The following FOXP1 variants were observed in gnomAD, a reference collection of about 807,000 sequenced individuals.
FOXP1 encodes forkhead box protein P1.
FOXP1 carries 15 observed loss-of-function variants against 98.2 expected under a neutral mutation model. The ratio of observed to expected loss-of-function variants is 0.15; its 90% confidence interval spans 0.10 to 0.24. The LOEUF (loss-of-function observed/expected upper bound fraction) is 0.24, where lower values mean the gene tolerates loss of function less well. FOXP1 is among the 10% of genes least tolerant of loss of function. The probability of loss-of-function intolerance (pLI) is 1.00; values close to 1 mark genes in which losing one functional copy is unlikely to be tolerated. For missense variants in FOXP1, 633 were observed against 848.5 expected, an observed-to-expected ratio of 0.75 and a Z score of 3.15; for synonymous variants, 371 against 314.5, an observed-to-expected ratio of 1.18 and a Z score of -1.90.
At chr3:71,404,189 G>A (rs1329558906) in intron 3 of FOXP1, among the ~76,000 whole-genome samples, 1 of 141,468 alleles carries the variant, frequency 7.1e-6, no homozygotes, top group African/African-American at 2.7e-5. Flanking sequence ...GTCCAGTGGC[G>A]TGATCTTGGC....
intron 6 of FOXP1, among the ~76,000 whole-genome samples, chr3:71,161,302 G>A (rs964903045): frequency 6.6e-6 from 1 of 152,190 alleles, no homozygotes; most frequent in Admixed American, 6.5e-5. Context: ...TTATGCAGCT[G>A]CATTCAGCTG....
intron 6 of FOXP1, among the ~76,000 whole-genome samples, chr3:71,159,000 G>A (rs1034586083): frequency 1.3e-5 from 2 of 151,642 alleles, no homozygotes; most frequent in African/African-American, 4.9e-5. Flanking sequence ...CAAATACTCT[G>A]GAGGCTGAGG....
rs556936473 is a variant in FOXP1 at position 70,977,928 on chromosome 3, G to A, written c.1248C>T (p.Pro416=). ...TPTTPTAPLT[P]VTQGPSVITT... ...TGATGACAGAGGGGCCTTGGGTGAC[G>A]GGAGTCAGGGGGGCGGTTGGGGTCG... The change falls in exon 15 of 21, where the codon CCC becomes CCT. Residue 416 remains proline (P), a synonymous_variant. Coordinates refer to ENST00000649528, the MANE Select transcript of FOXP1 (RefSeq NM_001349338.3). 1.2e-5 allele frequency: 20 copies of A among 1,614,050 alleles called. No individual in the cohort carries two copies. In the Middle Eastern group the frequency reaches 4.9e-4, roughly 40 times the overall value.
chr3:71,247,082 T>C (rs2067809861), intron 5 of FOXP1, among the ~76,000 whole-genome samples: 1 of 133,548 alleles, frequency 7.5e-6, no homozygotes, highest in Admixed American at 8.2e-5. Flanking sequence ...GGGCCAGTGA[T>C]CTCAGTGCTA....
chr3:71,445,840 C>A (rs1577556545), intron 3 of FOXP1, among the ~76,000 whole-genome samples: 2 of 152,050 alleles, frequency 1.3e-5, no homozygotes, highest in Non-Finnish European at 2.9e-5. Context: ...AGGCACGTGA[C>A]CCAACCCCAG....
At chr3:71,418,997 G>A (rs1420755572) in intron 3 of FOXP1, among the ~76,000 whole-genome samples, 5 of 150,504 alleles carry the variant, frequency 3.3e-5, no homozygotes, top group African/African-American at 4.9e-5. Context: ...CTCTTTAGGA[G>A]GCCAAGGTGG....
chr3:71,563,055 A>C (rs939318024), intron 2 of FOXP1, among the ~76,000 whole-genome samples: 2 of 152,188 alleles, frequency 1.3e-5, no homozygotes, highest in African/African-American at 4.8e-5. Context: ...ATGAGGAGCC[A>C]GGCTGGCCAT....
intron 11 of FOXP1, 28 bp from the exon 12 acceptor site, chr3:71,015,681 G>C: frequency 6.7e-7 from 1 of 1,490,538 alleles, no homozygotes; most frequent in Non-Finnish European, 9.4e-7. Flanking sequence ...GAAGACCAGA[G>C]AATGAATTTG....
At chr3:71,393,254 T>G (rs187367377) in intron 3 of FOXP1, among the ~76,000 whole-genome samples, 1 of 152,236 alleles carries the variant, frequency 6.6e-6, no homozygotes, top group East Asian at 1.9e-4. Flanking sequence ...TGACTCATAT[T>G]CATGACACAT....
At chr3:71,344,750 A>T (rs1271419093) in intron 4 of FOXP1, among the ~76,000 whole-genome samples, 1 of 152,126 alleles carries the variant, frequency 6.6e-6, no homozygotes, top group Non-Finnish European at 1.5e-5. Context: ...AGGCACGAGA[A>T]TGGCTTGAAC....
chr3:71,359,504 C>G (rs1257372597), intron 3 of FOXP1, among the ~76,000 whole-genome samples: 2 of 152,156 alleles, frequency 1.3e-5, no homozygotes, highest in Non-Finnish European at 2.9e-5. Context: ...GCACTGACAT[C>G]CACTTAGGAA....
intron 4 of FOXP1, among the ~76,000 whole-genome samples, chr3:71,313,825 G>A (rs548624442): frequency 5.3e-5 from 8 of 152,138 alleles, no homozygotes; most frequent in African/African-American, 1.7e-4. Context: ...GTGCCCGGTC[G>A]AGTATCTGTA....
intron 3 of FOXP1, among the ~76,000 whole-genome samples, chr3:71,383,291 T>C (rs886648366): frequency 3.9e-5 from 6 of 152,230 alleles, no homozygotes; most frequent in Non-Finnish European, 8.8e-5. Flanking sequence ...GAATTCATTA[T>C]CAGAGAAGAC....
chr3:71,309,161 A>T (rs1264279304), intron 4 of FOXP1, among the ~76,000 whole-genome samples: 1 of 152,176 alleles, frequency 6.6e-6, no homozygotes. Flanking sequence ...ATAACAATGT[A>T]TCTGTTCCAT....
At chr3:71,448,796 T>G (rs1395525809) in intron 3 of FOXP1, among the ~76,000 whole-genome samples, 1 of 152,214 alleles carries the variant, frequency 6.6e-6, no homozygotes, top group Non-Finnish European at 1.5e-5. Context: ...CAAATTACCA[T>G]TGCCACAATT....
intron 7 of FOXP1, among the ~76,000 whole-genome samples, chr3:71,078,139 TA>T (rs35115534): frequency 0.19 from 28,837 of 152,184 alleles, 3,703 homozygotes; most frequent in East Asian, 0.52. Context: ...GCCTCCTCTG[TA>T]TATTTTCTCT....
chr3:70,977,574 TTCA>T, intron 16 of FOXP1, 66 bp downstream of exon 16: 2 of 1,336,310 alleles, frequency 1.5e-6, no homozygotes, highest in Non-Finnish European at 2.1e-6. Flanking sequence ...TTAAATCTAC[TTCA>T]TCAATATATA....
intron 17 of FOXP1, 49 bp downstream of exon 17, chr3:70,976,892 G>A (rs764770094): frequency 1.5e-6 from 2 of 1,338,688 alleles, no homozygotes; most frequent in Non-Finnish European, 2.2e-6. Flanking sequence ...ACAACAAACT[G>A]TTCTATGAAC....
chr3:71,110,710 G>A (rs1017595295), intron 7 of FOXP1, among the ~76,000 whole-genome samples: 2 of 152,182 alleles, frequency 1.3e-5, no homozygotes, highest in Admixed American at 6.5e-5. Flanking sequence ...GTCTGACTAC[G>A]GAAACTGTTC....
Sources: allele counts gnomAD v4.1 joint callset (sites outside exome capture counted in the v4.1 genomes callset), GRCh38; gene constraint gnomAD v4.1.1; transcripts MANE v1.5; gene names NCBI Gene and HGNC (gene_info 2026-07-23, HGNC 2026-07-21).